Variants in CACNA2D3 observed in about 807,000 individuals in gnomAD.
The protein encoded by CACNA2D3 is voltage-dependent calcium channel subunit alpha-2/delta-3.
A neutral mutation model predicts 160.6 loss-of-function variants in CACNA2D3; 60 were observed. The observed-to-expected ratio is 0.37, with a 90% CI of 0.30 to 0.46. The LOEUF is 0.46. CACNA2D3 is among the 20% of genes least tolerant of loss of function. CACNA2D3 has a pLI of 1.00. For synonymous variants in CACNA2D3, 558 were observed against 492.9 expected (o/e 1.13, Z -1.75); for missense variants, 1,205 against 1,365.0 (o/e 0.88, Z 1.85).
At chr3:54,286,700 A>G (rs1159992408) in intron 2 of CACNA2D3, among the ~76,000 whole-genome samples, 2 of 152,242 alleles carry the variant, frequency 1.3e-5, no homozygotes, top group Non-Finnish European at 2.9e-5. Flanking sequence ...TTACCCACAA[A>G]GGGAAGCGCA....
chr3:54,732,570 A>G (rs3864001), intron 11 of CACNA2D3, among the ~76,000 whole-genome samples: 1 of 152,106 alleles, frequency 6.6e-6, no homozygotes, highest in East Asian at 1.9e-4. Flanking sequence ...ATGGAAGGTC[A>G]TATTAATTTT....
intron 13 of CACNA2D3, among the ~76,000 whole-genome samples, chr3:54,767,935 C>T (rs939220259): frequency 6.6e-6 from 1 of 152,036 alleles, no homozygotes; most frequent in Non-Finnish European, 1.5e-5. Flanking sequence ...ACAGATGAAC[C>T]AGATACGTAA....
chr3:54,837,214 G>A lies in CACNA2D3; in HGVS notation c.1454G>A (p.Ser485Asn). ...ACCACTGTAGCCATGCCTGTGTTTA[G>A]TAAGCAGAACGAAACCGTGAGTACA... is the stretch of plus-strand genomic sequence containing the variant. ...LMTTVAMPVF[S>N]KQNETRSKGI... Residue 485 changes from serine (S) to asparagine (N), a missense_variant, in exon 15 of 38, where the codon AGT becomes AAT. Coordinates refer to ENST00000474759, the MANE Select transcript of CACNA2D3 (RefSeq NM_018398.3). 6.2e-7 allele frequency: 1 copy of A among 1,613,976 alleles called. No homozygotes were observed. The highest frequency in any genetic ancestry group is 1.1e-5 in the South Asian group (1 of 91,076).
At chr3:54,187,657 A>G (rs911915829) in intron 2 of CACNA2D3, among the ~76,000 whole-genome samples, 5 of 152,168 alleles carry the variant, frequency 3.3e-5, no homozygotes, top group African/African-American at 1.2e-4. Flanking sequence ...GTGTTGTGGA[A>G]GACAAATTTT....
rs191268956 is a variant in CACNA2D3, at chr3:54,626,375, C to G, written c.964-1412C>G. On this transcript the variant is annotated intron_variant, in intron 9 of 37. Coordinates refer to ENST00000474759, the MANE Select transcript of CACNA2D3 (RefSeq NM_018398.3). ...CGGGGCCTGCGGCGGAAGCAGCACT[C>G]CCTGCTGAAGTGCCTGCGCAAGGCC... 27 of 1,564,292 alleles carry G rather than the reference C, an allele frequency of 1.7e-5. No individual in the cohort carries two copies. In the African/African-American group the frequency reaches 3.5e-4, roughly 20 times the overall value.
At chr3:54,739,817 G>A (rs1160791927) in intron 11 of CACNA2D3, among the ~76,000 whole-genome samples, 1 of 151,136 alleles carries the variant, frequency 6.6e-6, no homozygotes, top group Non-Finnish European at 1.5e-5. Flanking sequence ...ATGTGTGTGT[G>A]TATATATATA....
chr3:54,625,822 A>G (rs1167656140), intron 9 of CACNA2D3, among the ~76,000 whole-genome samples: 1 of 152,126 alleles, frequency 6.6e-6, no homozygotes, highest in Non-Finnish European at 1.5e-5. Context: ...CAGCATCTTA[A>G]AACAATCAGC....
At chr3:54,639,852 G>A (rs1457123230) in intron 10 of CACNA2D3, 5 of 152,930 alleles carry the variant, frequency 3.3e-5, no homozygotes, top group African/African-American at 1.2e-4. Flanking sequence ...CGAAAAGAGA[G>A]TCAGCGAAGG....
chr3:54,460,662 A>T (rs1237421451), intron 4 of CACNA2D3, among the ~76,000 whole-genome samples: 1 of 152,160 alleles, frequency 6.6e-6, no homozygotes, highest in African/African-American at 2.4e-5. Context: ...TTATCAGCTT[A>T]AGGAGATTTT....
At chr3:54,363,935 G>C (rs911148189) in intron 3 of CACNA2D3, among the ~76,000 whole-genome samples, 1 of 152,168 alleles carries the variant, frequency 6.6e-6, no homozygotes, top group African/African-American at 2.4e-5. Context: ...CCTTACTTCA[G>C]ATATCCCACA....
At chr3:54,450,720 C>G (rs1700291874) in intron 4 of CACNA2D3, among the ~76,000 whole-genome samples, 1 of 152,066 alleles carries the variant, frequency 6.6e-6, no homozygotes, top group African/African-American at 2.4e-5. Flanking sequence ...GCCTGAGGAA[C>G]CTCTTCTTTA....
intron 2 of CACNA2D3, among the ~76,000 whole-genome samples, chr3:54,306,632 C>T (rs1478237207): frequency 6.6e-6 from 1 of 152,182 alleles, no homozygotes; most frequent in Admixed American, 6.5e-5. Flanking sequence ...GCCAGGTGGG[C>T]ATCTGTCCCT....
At chr3:54,942,284 C>G (rs956559281) in intron 27 of CACNA2D3, among the ~76,000 whole-genome samples, 1 of 152,166 alleles carries the variant, frequency 6.6e-6, no homozygotes. Context: ...AACAGGCAGT[C>G]AGTCAAAGCT....
chr3:54,140,135 G>A (rs1699896043), intron 2 of CACNA2D3, among the ~76,000 whole-genome samples: 1 of 152,210 alleles, frequency 6.6e-6, no homozygotes. Context: ...GGAATTCAGT[G>A]AATGGGCAGC....
intron 11 of CACNA2D3, among the ~76,000 whole-genome samples, chr3:54,688,706 T>C (rs866058611): frequency 7.3e-5 from 11 of 149,660 alleles, no homozygotes; most frequent in Non-Finnish European, 1.5e-4. Context: ...CAATTATTAA[T>C]GTTAATAATT....
chr3:54,798,780 C>T (rs926619504), intron 13 of CACNA2D3, among the ~76,000 whole-genome samples: 1 of 152,182 alleles, frequency 6.6e-6, no homozygotes, highest in African/African-American at 2.4e-5. Flanking sequence ...CAGAGGGGCA[C>T]ATTTCAGCAC....
rs113436301 is a variant in CACNA2D3 at position 54,782,511 on chromosome 3, G to A, written c.1380+18160G>A. On this transcript the variant is annotated intron_variant, in intron 13 of 37. Transcript: ENST00000474759. Reference sequence around the variant, plus strand: ...TTTTTGTGGAGTGAATTCTTCCTTCGTTTTATTTTGGACTTGCCAAGTTCT... The same window carrying A: ...TTTTTGTGGAGTGAATTCTTCCTTCATTTTATTTTGGACTTGCCAAGTTCT... 2.6e-5 allele frequency among the ~76,000 whole-genome samples: 4 copies of A among 151,982 alleles called. 1 individual carries two copies. Among genetic ancestry groups the A allele is most frequent in the East Asian group, 1.9e-4 (1 of 5,166 alleles).
intron 2 of CACNA2D3, among the ~76,000 whole-genome samples, chr3:54,240,109 T>C (rs1027878137): frequency 1.1e-4 from 16 of 152,132 alleles, no homozygotes; most frequent in Non-Finnish European, 1.8e-4. Context: ...GCGTCTGGGG[T>C]GGTCCAAAGT....
intron 34 of CACNA2D3, among the ~76,000 whole-genome samples, chr3:55,011,938 A>T (rs1313499947): frequency 6.6e-6 from 1 of 152,084 alleles, no homozygotes; most frequent in Non-Finnish European, 1.5e-5. Flanking sequence ...AATGAGATTT[A>T]AAAAAAATAA....
Sources: gnomAD v4.1 joint callset for allele counts (sites outside exome capture counted in the v4.1 genomes callset) on GRCh38, gnomAD v4.1.1 for gene constraint, MANE v1.5 for transcripts, NCBI Gene and HGNC (gene_info 2026-07-23, HGNC 2026-07-21) for gene names.